The following ASAP1 variants were observed in gnomAD, a reference collection of about 807,000 sequenced individuals.
The protein encoded by ASAP1 is ArfGAP with SH3 domain, ankyrin repeat and PH domain 1.
Under a neutral mutation model 145.2 loss-of-function variants are expected in ASAP1, and 43 were observed. That is an observed-to-expected ratio of 0.30 (90% confidence interval 0.23 to 0.38). ASAP1 has a LOEUF of 0.38. Ranked by LOEUF, ASAP1 falls within the 10% of genes least tolerant of loss-of-function variation. The probability of loss-of-function intolerance (pLI) is 1.00; values close to 1 mark genes in which losing one functional copy is unlikely to be tolerated. For synonymous variants in ASAP1, 546 were observed against 515.5 expected, an observed-to-expected ratio of 1.06 and a Z score of -0.80; for missense variants, 1,018 against 1,355.3, an observed-to-expected ratio of 0.75 and a Z score of 3.91.
rs34870383 is a variant in ASAP1 at position 130,214,613 on chromosome 8, G to A, written c.348C>T (p.Thr116=). 8,406 of 1,612,790 alleles carry A rather than the reference G, an allele frequency of 5.2e-3. 28 individuals carry two copies. Among genetic ancestry groups the A allele is most frequent in the Non-Finnish European group, 6.4e-3 (7,515 of 1,179,336 alleles). Residue 116 remains threonine (T), a synonymous_variant, in exon 5 of 30, where the codon ACC becomes ACT. Coordinates refer to ENST00000518721, the MANE Select transcript of ASAP1 (RefSeq NM_018482.4). ...FLSRDNPDLG[T]AFVKFSTLTK... The stretch of plus-strand genomic sequence containing the variant: ...TAAGAGTAGAAAACTTGACAAACGC[G>A]GTGCCAAGGTCGGGGTTGTCTCGAC...
At chr8:130,164,971 C>G (rs1386918358) in intron 11 of ASAP1, among the ~76,000 whole-genome samples, 1 of 152,206 alleles carries the variant, frequency 6.6e-6, no homozygotes, top group African/African-American at 2.4e-5. Context: ...TCACTATCTT[C>G]TAAACATATT....
intron 3 of ASAP1, among the ~76,000 whole-genome samples, chr8:130,251,809 T>A (rs1819215474): frequency 6.6e-6 from 1 of 152,102 alleles, no homozygotes; most frequent in Admixed American, 6.6e-5. Flanking sequence ...AGTTTAAAAT[T>A]CCACATGGAA....
At chr8:130,241,819 T>C (rs543607673) in intron 3 of ASAP1, among the ~76,000 whole-genome samples, 2 of 152,272 alleles carry the variant, frequency 1.3e-5, no homozygotes, top group South Asian at 2.1e-4. Context: ...AACTGAGCAA[T>C]GGCAATACTG....
chr8:130,361,519 C>A, intron 2 of ASAP1: 1 of 662,216 alleles, frequency 1.5e-6, no homozygotes, highest in South Asian at 1.7e-5. Flanking sequence ...GTTTCAGTTT[C>A]ATTTGAAGAT....
At chr8:130,378,228 G>C (rs922182427) in intron 2 of ASAP1, among the ~76,000 whole-genome samples, 1 of 152,194 alleles carries the variant, frequency 6.6e-6, no homozygotes. Flanking sequence ...CCTCAATGCT[G>C]ACAAATATTA....
At chr8:130,160,804 G>A in intron 11 of ASAP1, 1 of 1,283,890 alleles carries the variant, frequency 7.8e-7, no homozygotes. Context: ...CTTCGATCAG[G>A]AAGGGCAAAA....
intron 24 of ASAP1, among the ~76,000 whole-genome samples, chr8:130,097,051 G>A (rs148031695): frequency 0.021 from 2,956 of 141,778 alleles, 47 homozygotes; most frequent in East Asian, 0.059. Flanking sequence ...GCTTGAACCC[G>A]GGAGATGGAG....
chr8:130,060,586 A>G lies in ASAP1; in HGVS notation c.3185T>C (p.Ile1062Thr). ...GAACATTGTCCCACCCACCGTATTG[A>G]TTTTTCTGGGCAGTGGTACGGGCGT... ...PETPVPLPRK[I>T]NTGKNKVRRV... is the part of the protein sequence containing the mutation. The change falls in exon 28 of 30, where the codon ATC (isoleucine) becomes ACC (threonine). Residue 1062 changes from isoleucine to threonine, a missense_variant. Ile to Thr is a moderately conservative substitution (Grantham distance 89, BLOSUM62 -1). Around this residue, in one of 9 missense-constraint regions of ASAP1, gnomAD observed 62 missense variants for 97.8 expected, o/e 0.63. Transcript: ENST00000518721. The G allele has an allele frequency of 6.2e-7, 1 of 1,609,256 alleles. No homozygotes were observed. Among genetic ancestry groups the G allele is most frequent in the Non-Finnish European group, 8.5e-7 (1 of 1,177,524 alleles).
intron 4 of ASAP1, among the ~76,000 whole-genome samples, chr8:130,217,126 G>A (rs981159835): frequency 6.6e-6 from 1 of 152,192 alleles, no homozygotes; most frequent in Admixed American, 6.5e-5. Flanking sequence ...CATGTGAGTG[G>A]AAGTGATGCA....
chr8:130,423,995 C>T (rs890451461), intron 1 of ASAP1, among the ~76,000 whole-genome samples: 13 of 152,002 alleles, frequency 8.6e-5, no homozygotes, highest in African/African-American at 3.1e-4. Context: ...TTGACTGCGG[C>T]GATGGCTGCA....
In ASAP1 at chr8:130,127,852, A is replaced by G. The variant is rs1030789337; in HGVS notation, c.1381+75T>C. 7 of 1,536,894 alleles carry G rather than the reference A, an allele frequency of 4.6e-6. No homozygotes were observed. In the East Asian group the frequency reaches 1.1e-4, roughly 25 times the overall value. On this transcript the variant is annotated intron_variant, in intron 16 of 29. Transcript: ENST00000518721. Reference sequence around the variant, plus strand: ...TGTCCATAGGGGTTAAGGTTTTTCAATAACTAGATCGTTTTATATTCTACA... The same window carrying G: ...TGTCCATAGGGGTTAAGGTTTTTCAGTAACTAGATCGTTTTATATTCTACA...
chr8:130,101,521 G>T (rs951586178), intron 24 of ASAP1, among the ~76,000 whole-genome samples: 1 of 151,568 alleles, frequency 6.6e-6, no homozygotes, highest in Admixed American at 6.6e-5. Flanking sequence ...TTATTCCTGG[G>T]TTTTTTAGTT....
At chr8:130,339,408 G>A (rs1825237039) in intron 3 of ASAP1, among the ~76,000 whole-genome samples, 2 of 152,142 alleles carry the variant, frequency 1.3e-5, no homozygotes, top group South Asian at 4.1e-4. Flanking sequence ...TTAAGAATCA[G>A]CAAATTTACA....
chr8:130,185,435 A>G (rs1045968457), intron 7 of ASAP1, among the ~76,000 whole-genome samples: 2 of 152,184 alleles, frequency 1.3e-5, no homozygotes, highest in Non-Finnish European at 2.9e-5. Flanking sequence ...GACAATACAG[A>G]AAAATGAACA....
intron 1 of ASAP1, among the ~76,000 whole-genome samples, chr8:130,432,253 C>T (rs925391628): frequency 1.3e-5 from 2 of 151,954 alleles, no homozygotes; most frequent in Non-Finnish European, 2.9e-5. Context: ...AGAAAATAAT[C>T]ACAATAGTAA....
intron 1 of ASAP1, among the ~76,000 whole-genome samples, chr8:130,422,542 G>A (rs774931061): frequency 8.5e-5 from 13 of 152,232 alleles, no homozygotes; most frequent in East Asian, 5.8e-4. Context: ...TTCCTCCTAA[G>A]CTGTCTCTGT....
chr8:130,168,653 A>G (rs1459307741), intron 10 of ASAP1, among the ~76,000 whole-genome samples: 1 of 152,186 alleles, frequency 6.6e-6, no homozygotes, highest in African/African-American at 2.4e-5. Flanking sequence ...CTGCCTATTC[A>G]GAGTCAATTT....
intron 27 of ASAP1, among the ~76,000 whole-genome samples, chr8:130,072,204 A>T (rs978874874): frequency 1.3e-5 from 2 of 152,238 alleles, no homozygotes; most frequent in African/African-American, 4.8e-5. Context: ...TGGAGTTTCC[A>T]GAAAGGGCTT....
At chr8:130,118,118 A>G in intron 20 of ASAP1, 43 bp downstream of exon 20, 1 of 1,528,806 alleles carries the variant, frequency 6.5e-7, no homozygotes, top group Non-Finnish European at 9.0e-7. Flanking sequence ...GTTAATTTAT[A>G]AGGCATATTC....
Sources: gnomAD v4.1 joint callset for allele counts (sites outside exome capture counted in the v4.1 genomes callset) on GRCh38, gnomAD v4.1.1 for gene constraint, gnomAD v4.1.1 regional missense constraint, MANE v1.5 for transcripts, NCBI Gene and HGNC (gene_info 2026-07-23, HGNC 2026-07-21) for gene names.